Variants in FAM13B observed in about 807,000 individuals in gnomAD.
The protein encoded by FAM13B is family with sequence similarity 13 member B.
In FAM13B, 60 loss-of-function variants were observed where a neutral mutation model predicts 117.3. That is an observed-to-expected ratio of 0.51 (90% confidence interval 0.42 to 0.63). FAM13B has a LOEUF of 0.63. FAM13B is among the 30% of genes least tolerant of loss of function. The pLI, the probability that FAM13B is intolerant of heterozygous loss-of-function variation, is 0.00. For missense variants in FAM13B, 972 were observed against 1,091.9 expected (o/e 0.89, Z 1.55); for synonymous variants, 332 against 356.1 (o/e 0.93, Z 0.76).
Position 138,011,004 on chromosome 5 carries a change from T to C in FAM13B, c.690+4A>G. On this transcript the variant is annotated splice_donor_region_variant and intron_variant, in intron 6 of 23. Transcript: ENST00000689681. Reference sequence around the variant, plus strand: ...AATTATCCCTCCAAATAGAATATTCTCACCTGTTCAGTAATTGAACTCAAA... The same window carrying C: ...AATTATCCCTCCAAATAGAATATTCCCACCTGTTCAGTAATTGAACTCAAA... 6.5e-7 allele frequency: 1 copy of C among 1,535,072 alleles called. No homozygotes were observed. The highest frequency in any genetic ancestry group is 1.2e-5 in the South Asian group (1 of 82,642).
intron 14 of FAM13B, 170 bp from the exon 15 acceptor site, chr5:137,954,546 A>AT: frequency 5.9e-6 from 2 of 341,306 alleles, no homozygotes; most frequent in Non-Finnish European, 1.0e-5. Flanking sequence ...GTGTATATAT[A>AT]TATATATATA....
In FAM13B at chr5:138,018,524, T is replaced by G. The variant is rs761131735; in HGVS notation, c.158-10A>C. The G allele has an allele frequency of 6.2e-7, 1 of 1,611,240 alleles. No individual in the cohort carries two copies. Among genetic ancestry groups the G allele is most frequent in the Admixed American group, 1.7e-5 (1 of 59,954 alleles). The stretch of plus-strand genomic sequence containing the variant: ...TGTTGCTCCAGACCTCCTACGTTAG[T>G]TCAAGGCAATCATTCAATAAGCTGC... On this transcript the variant is annotated splice_polypyrimidine_tract_variant and intron_variant, in intron 3 of 23. Transcript: ENST00000689681.
chr5:137,948,820 G>A (rs1561734451), intron 18 of FAM13B, 135 bp downstream of exon 18: 1 of 658,264 alleles, frequency 1.5e-6, no homozygotes, highest in Non-Finnish European at 2.6e-6. Flanking sequence ...ATTAAATCAT[G>A]TTTCTGAATC....
rs760234893 is a variant in FAM13B, at chr5:138,042,960, C to T, written c.-203+8918G>A. On this transcript the variant is annotated intron_variant, in intron 1 of 3. Transcript: ENST00000502471. ...TACAAAAAGTAGCCGGGTGTGGTGGCGCATGCCTGTAGTCCCAGCTACTCG... is the reference window on the plus strand; with the variant it reads ...TACAAAAAGTAGCCGGGTGTGGTGGTGCATGCCTGTAGTCCCAGCTACTCG... Among the ~76,000 whole-genome samples the T allele has an allele frequency of 9.2e-5, 14 of 152,104 alleles. No individual in the cohort carries two copies. In the South Asian group the frequency reaches 1.0e-3, roughly 11 times the overall value.
At chr5:138,038,622 C>T (rs1486214264) in intron 1 of FAM13B, 3 of 152,182 alleles carry the variant, frequency 2.0e-5, no homozygotes, top group Non-Finnish European at 4.4e-5. Context: ...TCTTTCTGTG[C>T]CACTTTGCCC....
intron 9 of FAM13B, 43 bp from the exon 10 acceptor site, chr5:137,985,432 T>C: frequency 6.3e-7 from 1 of 1,582,234 alleles, no homozygotes; most frequent in Non-Finnish European, 8.6e-7. Flanking sequence ...AAATGTTGAG[T>C]GTGTAATGCC....
intron 1 of FAM13B, among the ~76,000 whole-genome samples, chr5:138,032,445 G>A (rs1386452016): frequency 6.6e-6 from 1 of 152,234 alleles, no homozygotes; most frequent in Admixed American, 6.5e-5. Flanking sequence ...CCAGCGGGCA[G>A]GAGAGGTCAG....
At chr5:137,991,879 A>G (rs1778678976) in intron 7 of FAM13B, among the ~76,000 whole-genome samples, 1 of 152,230 alleles carries the variant, frequency 6.6e-6, no homozygotes, top group Admixed American at 6.5e-5. Context: ...CATGACACAA[A>G]AAGCATTAAC....
Position 137,945,943 on chromosome 5 carries a change from C to T in FAM13B, c.2299G>A (p.Val767Ile), listed in dbSNP as rs78781927. 1.2e-6 allele frequency: 2 copies of T among 1,612,548 alleles called. No individual in the cohort carries two copies. The highest frequency in any genetic ancestry group is 1.3e-5 in the African/African-American group (1 of 74,992). Residue 767 changes from valine (V) to isoleucine (I), a missense_variant, in exon 20 of 24, where the codon GTA becomes ATA. Coordinates refer to ENST00000689681, the MANE Select transcript of FAM13B (RefSeq NM_001385994.1). ...CTAGCTCTTGTCAGCATTTGTTTTA[C>T]AAGCCTGTATCTATCATAGAGAGGT... is the stretch of plus-strand genomic sequence containing the variant. ...VKPLYDRYRL[V>I]KQMLTRASIT...
At chr5:137,946,615 A>G (rs1763521562) in intron 18 of FAM13B, among the ~76,000 whole-genome samples, 1 of 152,220 alleles carries the variant, frequency 6.6e-6, no homozygotes, top group African/African-American at 2.4e-5. Context: ...CAACATCCTC[A>G]TCTGTAAAAT....
intron 1 of FAM13B, among the ~76,000 whole-genome samples, chr5:138,023,205 TG>T (rs1245983670): frequency 6.6e-6 from 1 of 152,170 alleles, no homozygotes; most frequent in Non-Finnish European, 1.5e-5. Flanking sequence ...TAGGAATCTA[TG>T]AATTCATCAG....
intron 7 of FAM13B, among the ~76,000 whole-genome samples, chr5:137,993,764 G>A: frequency 6.6e-6 from 1 of 152,154 alleles, no homozygotes; most frequent in South Asian, 2.1e-4. Flanking sequence ...TCCAGCCTGG[G>A]TGACAGAGCA....
chr5:137,942,197 G>A, intron 22 of FAM13B, 152 bp from the exon 23 acceptor site: 2 of 638,752 alleles, frequency 3.1e-6, no homozygotes, highest in Non-Finnish European at 5.4e-6. Flanking sequence ...AATCAGAATA[G>A]CTGAAGGACT....
chr5:137,983,020 G>A (rs1312479386), intron 10 of FAM13B, among the ~76,000 whole-genome samples: 5 of 151,972 alleles, frequency 3.3e-5, no homozygotes, highest in Non-Finnish European at 7.4e-5. Flanking sequence ...GTAGCACATA[G>A]ATGGTAGGTA....
intron 7 of FAM13B, among the ~76,000 whole-genome samples, chr5:137,998,940 G>A (rs1581211578): frequency 6.6e-6 from 1 of 152,186 alleles, no homozygotes; most frequent in South Asian, 2.1e-4. Context: ...TATCACACCA[G>A]AGCCATACCT....
Position 137,985,334 on chromosome 5 carries a change from T to C in FAM13B, c.1102A>G (p.Lys368Glu). 1 of 1,613,934 alleles carries C rather than the reference T, an allele frequency of 6.2e-7. No homozygotes were observed. Among genetic ancestry groups the C allele is most frequent in the Non-Finnish European group, 8.5e-7 (1 of 1,179,898 alleles). ...TCTAAATTAGTGCTAGCCACAGGTT[T>C]TGAACAGTCTCTGTTACTTTCACTG... is the stretch of plus-strand genomic sequence containing the variant. ...NASESNRDCSKPVASTNLDNE... is the reference protein window; with the variant it reads ...NASESNRDCSEPVASTNLDNE... The change falls in exon 10 of 24, where the codon AAA becomes GAA. Residue 368 changes from lysine (K) to glutamate (E), a missense_variant. Coordinates refer to ENST00000689681, the MANE Select transcript of FAM13B (RefSeq NM_001385994.1).
chr5:138,008,502 T>C (rs1405083016), intron 6 of FAM13B, among the ~76,000 whole-genome samples: 2 of 152,194 alleles, frequency 1.3e-5, no homozygotes, highest in Non-Finnish European at 2.9e-5. Context: ...GAAATACCTA[T>C]ATTCACACAT....
chr5:137,947,021 G>A (rs1330753740), intron 18 of FAM13B, among the ~76,000 whole-genome samples: 1 of 152,148 alleles, frequency 6.6e-6, no homozygotes, highest in Non-Finnish European at 1.5e-5. Context: ...AGTAAGCAAT[G>A]CTTCCCAAAT....
intron 10 of FAM13B, among the ~76,000 whole-genome samples, chr5:137,974,545 C>T (rs1773325354): frequency 6.8e-6 from 1 of 146,252 alleles, no homozygotes; most frequent in South Asian, 2.2e-4. Context: ...ACCAGCATGG[C>T]ACATGTATAC....
Sources: allele counts gnomAD v4.1 joint callset (sites outside exome capture counted in the v4.1 genomes callset), GRCh38; gene constraint gnomAD v4.1.1; transcripts MANE v1.5; gene names NCBI Gene and HGNC (gene_info 2026-07-23, HGNC 2026-07-21).